The following RBFOX3 variants were observed in gnomAD, a reference collection of about 807,000 sequenced individuals.
The protein encoded by RBFOX3 is RNA binding fox-1 homolog 3.
A neutral mutation model predicts 48.7 loss-of-function variants in RBFOX3; 17 were observed. The observed-to-expected ratio is 0.35, with a 90% confidence interval of 0.24 to 0.52. The LOEUF (loss-of-function observed/expected upper bound fraction) is 0.52, where lower values mean the gene tolerates loss of function less well. Among genes scored for constraint, RBFOX3 ranks in the 20% least tolerant of loss-of-function variants. The pLI is 0.94. For synonymous variants in RBFOX3, 212 were observed against 209.5 expected, an observed-to-expected ratio of 1.01 and a Z score of -0.10; for missense variants, 382 against 497.5, an observed-to-expected ratio of 0.77 and a Z score of 2.21.
chr17:79,101,833 T>C (rs2076501941), intron 8 of RBFOX3, among the ~76,000 whole-genome samples, 189 bp from the exon 9 acceptor site: 1 of 150,682 alleles, frequency 6.6e-6, no homozygotes, highest in Non-Finnish European at 1.5e-5. Context: ...AAGCCCCGCC[T>C]GGCCCAGGAC....
intron 2 of RBFOX3, among the ~76,000 whole-genome samples, chr17:79,442,362 G>GGGAGAGAGA: frequency 1.3e-4 from 1 of 7,436 alleles, no homozygotes; most frequent in Non-Finnish European, 2.6e-4. Context: ...GAAGAGGGGG[G>GGGAGAGAGA]GAGAGAGAGA....
intron 4 of RBFOX3, among the ~76,000 whole-genome samples, chr17:79,207,795 G>A (rs2057721123): frequency 1.3e-5 from 2 of 152,120 alleles, no homozygotes; most frequent in Non-Finnish European, 2.9e-5. Context: ...TCCAGGCAGC[G>A]CCTCCTGCAC....
chr17:79,175,732 G>A (rs1388294328), intron 4 of RBFOX3, among the ~76,000 whole-genome samples: 2 of 152,248 alleles, frequency 1.3e-5, no homozygotes, highest in African/African-American at 2.4e-5. Flanking sequence ...TTGGGGTGGC[G>A]CCTCTGAGGG....
chr17:79,431,762 G>A (rs1054282520), intron 2 of RBFOX3, among the ~76,000 whole-genome samples: 15 of 152,224 alleles, frequency 9.9e-5, no homozygotes, highest in Non-Finnish European at 1.6e-4. Flanking sequence ...TGGGATTATA[G>A]GCGTGAGCCA....
At chr17:79,569,401 T>C (rs989524284) in intron 1 of RBFOX3, among the ~76,000 whole-genome samples, 1 of 152,198 alleles carries the variant, frequency 6.6e-6, no homozygotes, top group African/African-American at 2.4e-5. Context: ...TGCTGTAGAC[T>C]GTCAGAGCTT....
At chr17:79,430,297 T>TAAATA (rs1375264133) in intron 2 of RBFOX3, among the ~76,000 whole-genome samples, 1 of 150,756 alleles carries the variant, frequency 6.6e-6, no homozygotes, top group Non-Finnish European at 1.5e-5. Context: ...AATAAATAAA[T>TAAATA]AAATAAATAA....
intron 1 of RBFOX3, among the ~76,000 whole-genome samples, chr17:79,543,685 T>C (rs74575358): frequency 0.22 from 33,443 of 152,138 alleles, 4,385 homozygotes; most frequent in East Asian, 0.49. Context: ...AGATGAAGCA[T>C]GCTGGGCACG....
Position 79,473,150 on chromosome 17 carries a change from T to C in RBFOX3, c.-175+9304A>G, listed in dbSNP as rs966273019. The stretch of plus-strand genomic sequence containing the variant: ...TCAGACCTAAAACGACTCCTTCAAA[T>C]GACTAAAAGATTCTAAATGCTTAAT... On this transcript the variant is annotated intron_variant, in intron 2 of 14. Transcript: ENST00000693108. This position sits in a 1 kb window ranked among gnomAD's most constrained non-coding sequence, Gnocchi z 4.2. Among the ~76,000 whole-genome samples, 2 of 152,240 alleles carry C rather than the reference T, an allele frequency of 1.3e-5. No homozygotes were observed. The highest frequency in any genetic ancestry group is 2.9e-5 in the Non-Finnish European group (2 of 68,046).
chr17:79,388,336 C>A (rs1405363074), intron 2 of RBFOX3, among the ~76,000 whole-genome samples: 1 of 152,114 alleles, frequency 6.6e-6, no homozygotes, highest in Non-Finnish European at 1.5e-5. Context: ...CCAGGCATGA[C>A]CACGGCTGAA....
intron 3 of RBFOX3, among the ~76,000 whole-genome samples, chr17:79,261,650 G>T (rs1233533147): frequency 6.6e-6 from 1 of 152,234 alleles, no homozygotes; most frequent in Admixed American, 6.5e-5. Context: ...CACGGAGGCT[G>T]CTGGAGCAGG....
At chr17:79,222,409 C>G (rs1600092450) in intron 4 of RBFOX3, among the ~76,000 whole-genome samples, 1 of 152,224 alleles carries the variant, frequency 6.6e-6, no homozygotes, top group Admixed American at 6.5e-5. Context: ...GTCCTCATGT[C>G]TAAGCTGGGA....
intron 1 of RBFOX3, among the ~76,000 whole-genome samples, chr17:79,526,312 T>C (rs2086789735): frequency 6.6e-6 from 1 of 152,142 alleles, no homozygotes; most frequent in African/African-American, 2.4e-5. Flanking sequence ...CACATGATCA[T>C]GAGGAAGCCA....
At chr17:79,106,522 G>A in intron 6 of RBFOX3, 129 bp downstream of exon 6, 1 of 1,214,328 alleles carries the variant, frequency 8.2e-7, no homozygotes, top group African/African-American at 1.6e-5. Context: ...GGGCCCCGGA[G>A]GCTCCCTGCG....
chr17:79,314,838 C>T (rs1328245966), intron 2 of RBFOX3, among the ~76,000 whole-genome samples: 2 of 152,118 alleles, frequency 1.3e-5, no homozygotes, highest in Non-Finnish European at 2.9e-5. Context: ...AGAGCGGCCT[C>T]TGGGTGTAGG....
At chr17:79,245,173 A>G (rs1320986443) in intron 3 of RBFOX3, among the ~76,000 whole-genome samples, 2 of 151,832 alleles carry the variant, frequency 1.3e-5, no homozygotes, top group Non-Finnish European at 2.9e-5. Context: ...CTCAGGCTCA[A>G]GTGATCCTCC....
At chr17:79,645,275 G>C in the RBFOX3 span, among the ~76,000 whole-genome samples, 2,338 of 152,208 alleles carry the variant, frequency 0.015, 143 homozygotes, top group Admixed American at 0.11. Context: ...GCAATGTCCA[G>C]CAAGTGCACC....
chr17:79,101,743 C>T (rs557259343), intron 8 of RBFOX3, 99 bp from the exon 9 acceptor site: 45 of 1,062,508 alleles, frequency 4.2e-5, no homozygotes, highest in African/African-American at 9.5e-5. Flanking sequence ...GCCCCCGGCA[C>T]CCCCCGCCCC....
the RBFOX3 span, among the ~76,000 whole-genome samples, chr17:79,664,439 G>A: frequency 2.6e-4 from 39 of 151,448 alleles, no homozygotes; most frequent in Middle Eastern, 0.01. Context: ...TCCGCCCCCC[G>A]GGGTTCACGC....
chr17:79,504,860 CA>C (rs1390986648), intron 1 of RBFOX3, among the ~76,000 whole-genome samples: 1 of 152,160 alleles, frequency 6.6e-6, no homozygotes, highest in African/African-American at 2.4e-5. Context: ...CACAGATATG[CA>C]CTAAAAACAT....
Sources: allele counts gnomAD v4.1 joint callset (sites outside exome capture counted in the v4.1 genomes callset), GRCh38; gene constraint gnomAD v4.1.1; non-coding constraint Gnocchi (gnomAD v3.1); transcripts MANE v1.5; gene names NCBI Gene and HGNC (gene_info 2026-07-23, HGNC 2026-07-21).